SUPT3H: variants seen among roughly 807,000 people sequenced by gnomAD.
SUPT3H encodes SPT3 homolog, SAGA and STAGA complex component.
A neutral mutation model predicts 44.3 loss-of-function variants in SUPT3H; 44 were observed. The observed-to-expected ratio is 0.99, with a 90% confidence interval of 0.78 to 1.28. The LOEUF is 1.28. Among genes scored for constraint, SUPT3H ranks in the 50% most tolerant of loss-of-function variants. The pLI is 0.00. For missense variants in SUPT3H, 380 were observed against 387.1 expected, an observed-to-expected ratio of 0.98 and a Z score of 0.15; for synonymous variants, 124 against 125.6, an observed-to-expected ratio of 0.99 and a Z score of 0.09.
chr6:44,966,816 C>A (rs1207142366), intron 6 of SUPT3H, among the ~76,000 whole-genome samples: 1 of 152,208 alleles, frequency 6.6e-6, no homozygotes, highest in East Asian at 1.9e-4. Context: ...AAACACAAAT[C>A]TCTGAAATAA....
At chr6:45,298,458 T>C (rs1781627259) in intron 2 of SUPT3H, among the ~76,000 whole-genome samples, 1 of 151,882 alleles carries the variant, frequency 6.6e-6, no homozygotes, top group Non-Finnish European at 1.5e-5. Context: ...TTTACAAAAA[T>C]CAGAAAAGAG....
At chr6:45,152,830 T>C (rs1807168374) in intron 2 of SUPT3H, among the ~76,000 whole-genome samples, 1 of 152,086 alleles carries the variant, frequency 6.6e-6, no homozygotes, top group Admixed American at 6.6e-5. Context: ...TATGCTCTCC[T>C]AATCAAAATC....
intron 2 of SUPT3H, among the ~76,000 whole-genome samples, chr6:45,348,449 T>C (rs1468552668): frequency 6.7e-6 from 1 of 148,438 alleles, no homozygotes; most frequent in African/African-American, 2.5e-5. Context: ...GAAGGCTCAC[T>C]TGAGGTCTAG....
chr6:45,116,931 A>G (rs1800932225), intron 2 of SUPT3H, among the ~76,000 whole-genome samples: 1 of 152,106 alleles, frequency 6.6e-6, no homozygotes, highest in South Asian at 2.1e-4. Context: ...TGAAGAAACC[A>G]TACATCCTCT....
intron 2 of SUPT3H, among the ~76,000 whole-genome samples, chr6:45,165,151 GA>G (rs1168005003): frequency 3.3e-5 from 5 of 152,172 alleles, no homozygotes; most frequent in African/African-American, 7.2e-5. Context: ...AGCACAGAGA[GA>G]AATTCCCTGT....
intron 2 of SUPT3H, among the ~76,000 whole-genome samples, chr6:45,359,521 T>C (rs1026053822): frequency 6.6e-6 from 1 of 152,172 alleles, no homozygotes; most frequent in African/African-American, 2.4e-5. Context: ...AGATCAATTA[T>C]TATTTAACAG....
chr6:45,232,590 G>A (rs1461914768), intron 2 of SUPT3H, among the ~76,000 whole-genome samples: 6 of 152,174 alleles, frequency 3.9e-5, no homozygotes, highest in African/African-American at 9.7e-5. Context: ...GCAGATGAGA[G>A]GGTTCTTGAG....
intron 6 of SUPT3H, among the ~76,000 whole-genome samples, chr6:44,981,215 A>T (rs573663021): frequency 1.1e-4 from 17 of 152,356 alleles, no homozygotes; most frequent in Admixed American, 1.0e-3. Context: ...AAGAACAAGG[A>T]ACTTGAAAGT....
At chr6:45,024,572 G>A (rs1419508846) in intron 3 of SUPT3H, among the ~76,000 whole-genome samples, 1 of 151,920 alleles carries the variant, frequency 6.6e-6, no homozygotes, top group African/African-American at 2.4e-5. Context: ...TATATTTATT[G>A]TTTTTCTCTC....
At position 45,181,676 on chromosome 6, in the gene SUPT3H, T is replaced by G. The variant is rs9381372; in HGVS notation, c.102-75670A>C. 7.4e-3 allele frequency among the ~76,000 whole-genome samples: 1,055 copies of G among 142,942 alleles called. 19 individuals are homozygous for G. Among genetic ancestry groups the G allele is most frequent in the African/African-American group, 0.026 (1,004 of 39,048 alleles). 93.8% of individuals were successfully genotyped at this position (142,942 alleles called of 152,430 possible). A position where few individuals can be genotyped will look rare whatever the true frequency, so the allele number is the denominator to read the frequency against. On this transcript the variant is annotated intron_variant, in intron 2 of 10. Coordinates refer to ENST00000371459, the MANE Select transcript of SUPT3H (RefSeq NM_003599.4). Reference sequence around the variant, plus strand: ...GTGGGAATTGAACAATGAGAACACATGGACACAGGAAGGGGAACATCACAC... The same window carrying G: ...GTGGGAATTGAACAATGAGAACACAGGGACACAGGAAGGGGAACATCACAC...
chr6:45,313,733 A>T (rs1265597067), intron 2 of SUPT3H, among the ~76,000 whole-genome samples: 4 of 152,040 alleles, frequency 2.6e-5, no homozygotes, highest in African/African-American at 9.7e-5. Flanking sequence ...ACTGGTACCA[A>T]TCCTTTCAAC....
chr6:44,877,169 A>AAT (rs1205847405), intron 10 of SUPT3H, among the ~76,000 whole-genome samples: 1 of 152,178 alleles, frequency 6.6e-6, no homozygotes, highest in Non-Finnish European at 1.5e-5. Context: ...ATGGCTACTT[A>AAT]ATATCCCAGT....
At chr6:44,835,938 T>C (rs1171081360) in intron 10 of SUPT3H, among the ~76,000 whole-genome samples, 2 of 152,144 alleles carry the variant, frequency 1.3e-5, no homozygotes, top group Non-Finnish European at 2.9e-5. Context: ...AAGCCCTCCA[T>C]TTGCCTAAGA....
chr6:45,272,422 C>A (rs970404836), intron 2 of SUPT3H, among the ~76,000 whole-genome samples: 2 of 152,144 alleles, frequency 1.3e-5, no homozygotes, highest in Non-Finnish European at 2.9e-5. Flanking sequence ...ACCCGTTTAA[C>A]TTGGCTCTCA....
At chr6:44,933,881 G>C (rs542910) in intron 9 of SUPT3H, among the ~76,000 whole-genome samples, 149,245 of 152,338 alleles carry the variant, frequency 0.98, 73,116 homozygotes, top group Middle Eastern at 1. Flanking sequence ...CTGCTGGGCT[G>C]AAGTGATCCT....
chr6:45,284,727 C>T (rs1778884061), intron 2 of SUPT3H, among the ~76,000 whole-genome samples: 1 of 152,112 alleles, frequency 6.6e-6, no homozygotes, highest in South Asian at 2.1e-4. Flanking sequence ...AGAGGGAATC[C>T]TCCCTAACTC....
intron 2 of SUPT3H, among the ~76,000 whole-genome samples, chr6:45,128,547 TATATATATATACACAC>T (rs766616712): frequency 0.01 from 650 of 64,208 alleles, 4 homozygotes; most frequent in Middle Eastern, 0.022. Flanking sequence ...TATATATATA[TATATATATATACACAC>T]ACACACACAC....
intron 10 of SUPT3H, among the ~76,000 whole-genome samples, chr6:44,851,944 G>C (rs1393256963): frequency 6.6e-6 from 1 of 152,130 alleles, no homozygotes; most frequent in Non-Finnish European, 1.5e-5. Context: ...GTCTGCCAAA[G>C]AGACAAAGAT....
chr6:44,844,519 T>G (rs1771544018), intron 10 of SUPT3H, among the ~76,000 whole-genome samples: 1 of 151,908 alleles, frequency 6.6e-6, no homozygotes, highest in Non-Finnish European at 1.5e-5. Context: ...AGAAACCAAA[T>G]GCGGTACACC....
Sources: gnomAD v4.1 joint callset for allele counts (sites outside exome capture counted in the v4.1 genomes callset) on GRCh38, gnomAD v4.1.1 for gene constraint, MANE v1.5 for transcripts, NCBI Gene and HGNC (gene_info 2026-07-23, HGNC 2026-07-21) for gene names.